Variants in BUD31 observed in about 807,000 individuals in gnomAD.
The protein encoded by BUD31 is protein BUD31 homolog.
A neutral mutation model predicts 17.9 loss-of-function variants in BUD31; 9 were observed. The observed-to-expected ratio is 0.50, with a 90% CI of 0.30 to 0.88. BUD31 has a LOEUF of 0.88. Ranked by LOEUF, BUD31 falls within the 40% of genes least tolerant of loss-of-function variation. BUD31 has a pLI of 0.06. For synonymous variants in BUD31, 70 were observed against 64.7 expected, an observed-to-expected ratio of 1.08 and a Z score of -0.39; for missense variants, 148 against 184.5, an observed-to-expected ratio of 0.80 and a Z score of 1.15.
Position 99,416,273 on chromosome 7 carries a change from T to A in BUD31, c.217+13T>A, listed in dbSNP as rs1562832140. The stretch of plus-strand genomic sequence containing the variant: ...GCCATCAGCAGAGGTAATTAGTCAG[T>A]CTCTCTTGGACTTTGAAGCTCGCGT... On this transcript the variant is annotated intron_variant, in intron 4 of 5. Coordinates refer to ENST00000222969, the MANE Select transcript of BUD31 (RefSeq NM_003910.4). The A allele has an allele frequency of 9.3e-6, 15 of 1,612,454 alleles. No individual in the cohort carries two copies. Among genetic ancestry groups the A allele is most frequent in the Non-Finnish European group, 1.2e-5 (14 of 1,178,770 alleles).
At chr7:99,412,778 A>ATTTT (rs36101411) in intron 3 of BUD31, among the ~76,000 whole-genome samples, 1 of 138,410 alleles carries the variant, frequency 7.2e-6, no homozygotes, top group Admixed American at 7.2e-5. Context: ...TGCCCAGCTA[A>ATTTT]TTTTTTTTTT....
intron 2 of BUD31, among the ~76,000 whole-genome samples, chr7:99,410,627 G>A (rs909695332): frequency 6.6e-6 from 1 of 151,958 alleles, no homozygotes; most frequent in South Asian, 2.1e-4. Flanking sequence ...TTTTTCTCTT[G>A]TCTGTCTCTT....
chr7:99,412,342 TA>T (rs1562829805), intron 3 of BUD31, among the ~76,000 whole-genome samples: 1 of 152,248 alleles, frequency 6.6e-6, no homozygotes, highest in Non-Finnish European at 1.5e-5. Context: ...CTTCATCTTC[TA>T]AAGGGTGACT....
chr7:99,411,830 T>G, intron 3 of BUD31: 1 of 403,292 alleles, frequency 2.5e-6, no homozygotes, highest in East Asian at 8.4e-5. Flanking sequence ...TCTCAGCCTC[T>G]CGAGTAATTT....
intron 4 of BUD31, chr7:99,416,697 G>C (rs1225576189): frequency 6.5e-6 from 1 of 154,950 alleles, no homozygotes; most frequent in Admixed American, 6.3e-5. Context: ...GGAATTATAG[G>C]CGTGGTCCAC....
At chr7:99,409,635 G>A (rs1026957800) in intron 1 of BUD31, among the ~76,000 whole-genome samples, 3 of 152,092 alleles carry the variant, frequency 2.0e-5, no homozygotes, top group African/African-American at 7.2e-5. Flanking sequence ...GAAGACCACT[G>A]ATTTGGGAGT....
At chr7:99,419,331 T>G in intron 5 of BUD31, 60 bp from the exon 6 acceptor site, 1 of 1,592,832 alleles carries the variant, frequency 6.3e-7, no homozygotes, top group Non-Finnish European at 8.6e-7. Context: ...GCCACATATG[T>G]GAGTGTGCAG....
At chr7:99,419,186 A>G (rs1383996374) in intron 5 of BUD31, 5 of 596,248 alleles carry the variant, frequency 8.4e-6, no homozygotes, top group African/African-American at 3.7e-5. Context: ...AGACATACAG[A>G]TGTAACCTCG....
chr7:99,411,160 A>G lies in BUD31; in HGVS notation c.68A>G (p.Asp23Gly). Residue 23 changes from aspartate (D) to glycine (G), a missense_variant, in exon 3 of 6, where the codon GAT becomes GGT. Physicochemically the swap from Asp to Gly is moderately conservative, Grantham distance 94 (BLOSUM62 -1). Transcript: ENST00000222969. ...DGWELIEPTLDELDQKMREAE... is the reference protein window; with the variant it reads ...DGWELIEPTLGELDQKMREAE... ...TGGGAGTTGATTGAGCCAACACTGG[A>G]TGAATTAGATCAAAAGATGAGAGAA... The G allele has an allele frequency of 6.2e-7, 1 of 1,614,116 alleles. No homozygotes were observed. Among genetic ancestry groups the G allele is most frequent in the Non-Finnish European group, 8.5e-7 (1 of 1,180,008 alleles).
At chr7:99,411,246 C>G in intron 3 of BUD31, 60 bp downstream of exon 3, 1 of 1,287,928 alleles carries the variant, frequency 7.8e-7, no homozygotes, top group South Asian at 1.2e-5. Flanking sequence ...CTTAGATGCC[C>G]CCAGGGGACA....
At chr7:99,417,936 T>C (rs1330094965) in intron 5 of BUD31, 15 of 1,258,316 alleles carry the variant, frequency 1.2e-5, no homozygotes, top group African/African-American at 1.5e-5. Flanking sequence ...TCCCTTTCAG[T>C]CCTCACAGTG....
intron 3 of BUD31, among the ~76,000 whole-genome samples, chr7:99,414,814 T>A (rs1218801979): frequency 6.6e-6 from 1 of 152,154 alleles, no homozygotes; most frequent in Non-Finnish European, 1.5e-5. Flanking sequence ...ACCAAGCTGG[T>A]CTCAGACTCC....
chr7:99,411,801 T>G (rs1410606955), intron 3 of BUD31: 1 of 437,406 alleles, frequency 2.3e-6, no homozygotes, highest in African/African-American at 2.0e-5. Flanking sequence ...GCCTCCCGTG[T>G]TCAAGTGATT....
At chr7:99,415,132 T>G in intron 3 of BUD31, 2 of 443,852 alleles carry the variant, frequency 4.5e-6, no homozygotes, top group South Asian at 3.2e-5. Flanking sequence ...GACAAAGAGA[T>G]AAAAGACAGC....
chr7:99,412,816 T>C (rs1584432269), intron 3 of BUD31, among the ~76,000 whole-genome samples: 1 of 145,198 alleles, frequency 6.9e-6, no homozygotes, highest in Admixed American at 7.0e-5. Context: ...AGAGACGGGG[T>C]TTCACCATGT....
chr7:99,411,380 A>G (rs1027677116), intron 3 of BUD31, 194 bp downstream of exon 3: 1 of 537,112 alleles, frequency 1.9e-6, no homozygotes, highest in Non-Finnish European at 3.3e-6. Flanking sequence ...AGGTCCTCAG[A>G]AAAGGTGTTT....
chr7:99,417,033 T>G (rs1795520594), intron 4 of BUD31: 1 of 186,628 alleles, frequency 5.4e-6, no homozygotes, highest in African/African-American at 2.4e-5. Flanking sequence ...TTGTTCCTCC[T>G]CCAAGGACTG....
rs377059531 is a variant in BUD31 at position 99,417,598 on chromosome 7, A to G, written c.384+3A>G. Reference sequence around the variant, plus strand: ...TGCCCAAAAGCAAGCTGGAAGTGGTAATGTCTGACACTCAAGCTTGGTGTT... The same window carrying G: ...TGCCCAAAAGCAAGCTGGAAGTGGTGATGTCTGACACTCAAGCTTGGTGTT... On this transcript the variant is annotated splice_donor_region_variant and intron_variant, in intron 5 of 5. Coordinates refer to ENST00000222969, the MANE Select transcript of BUD31 (RefSeq NM_003910.4). 6.2e-5 allele frequency: 100 copies of G among 1,610,854 alleles called. No homozygotes were observed. The highest frequency in any genetic ancestry group is 7.5e-5 in the Non-Finnish European group (89 of 1,179,996).
intron 3 of BUD31, among the ~76,000 whole-genome samples, chr7:99,411,452 C>T (rs193118542): frequency 2.4e-4 from 36 of 152,110 alleles, no homozygotes; most frequent in African/African-American, 8.7e-4. Context: ...ATCAAATAGT[C>T]TACCTATAGT....
Sources: allele counts gnomAD v4.1 joint callset (sites outside exome capture counted in the v4.1 genomes callset), GRCh38; gene constraint gnomAD v4.1.1; transcripts MANE v1.5; gene names NCBI Gene and HGNC (gene_info 2026-07-23, HGNC 2026-07-21).